The following PIK3C2G variants were observed in gnomAD, a reference collection of about 807,000 sequenced individuals.
PIK3C2G encodes phosphatidylinositol 3-kinase C2 domain-containing subunit gamma.
Under a neutral mutation model 181.1 loss-of-function variants are expected in PIK3C2G, and 168 were observed. The observed-to-expected ratio is 0.93, with a 90% CI of 0.82 to 1.05. PIK3C2G has a LOEUF of 1.05. Ranked by LOEUF, PIK3C2G falls within the 50% of genes least tolerant of loss-of-function variation. The pLI, the probability that PIK3C2G is intolerant of heterozygous loss-of-function variation, is 0.00. For synonymous variants in PIK3C2G, 573 were observed against 592.2 expected (o/e 0.97, Z 0.47); for missense variants, 1,869 against 1,732.8 (o/e 1.08, Z -1.40).
chr12:18,538,891 C>T (rs1043282278), intron 25 of PIK3C2G, among the ~76,000 whole-genome samples: 4 of 151,826 alleles, frequency 2.6e-5, no homozygotes, highest in African/African-American at 9.7e-5. Flanking sequence ...AGGTTTTATT[C>T]CACTGTTCAC....
At chr12:18,655,537 C>T in the PIK3C2G span, among the ~76,000 whole-genome samples, 13 of 152,090 alleles carry the variant, frequency 8.5e-5, no homozygotes, top group African/African-American at 2.7e-4. Flanking sequence ...TGCATAGTGA[C>T]GTCATCCTGA....
chr12:18,430,670 A>C (rs1388119235), intron 18 of PIK3C2G, among the ~76,000 whole-genome samples: 1 of 152,192 alleles, frequency 6.6e-6, no homozygotes, highest in Non-Finnish European at 1.5e-5. Flanking sequence ...TGGCTAAAGC[A>C]ATTCCAGGAG....
intron 11 of PIK3C2G, among the ~76,000 whole-genome samples, chr12:18,356,383 C>T (rs916152517): frequency 1.4e-4 from 21 of 152,056 alleles, no homozygotes; most frequent in Admixed American, 1.2e-3. Flanking sequence ...ACTGGGTGTA[C>T]GGGCCAGGAC....
chr12:18,713,209 G>A, the PIK3C2G span, among the ~76,000 whole-genome samples: 25 of 151,986 alleles, frequency 1.6e-4, no homozygotes, highest in African/African-American at 4.1e-4. Context: ...TGTCTTTCTC[G>A]CTAGTCAAAT....
At chr12:18,641,474 GT>G (rs1420665081) in intron 32 of PIK3C2G, among the ~76,000 whole-genome samples, 1 of 152,088 alleles carries the variant, frequency 6.6e-6, no homozygotes, top group East Asian at 1.9e-4. Flanking sequence ...TGCTTTTTGA[GT>G]TGTACCTTTT....
chr12:18,569,588 A>G (rs1945820698), intron 29 of PIK3C2G, among the ~76,000 whole-genome samples: 1 of 152,184 alleles, frequency 6.6e-6, no homozygotes, highest in Non-Finnish European at 1.5e-5. Context: ...ACTGTTATGA[A>G]CATTCTTTCA....
At chr12:18,373,155 T>A (rs936814823) in intron 13 of PIK3C2G, among the ~76,000 whole-genome samples, 3 of 152,246 alleles carry the variant, frequency 2.0e-5, no homozygotes, top group African/African-American at 7.2e-5. Context: ...GACTCCACTT[T>A]GTTCGTTGCT....
At chr12:18,338,398 T>C in intron 8 of PIK3C2G, 28 bp from the exon 9 acceptor site, 1 of 1,484,746 alleles carries the variant, frequency 6.7e-7, no homozygotes, top group Non-Finnish European at 9.2e-7. Context: ...TTCAATAGAT[T>C]GTAAGATGTG....
chr12:18,707,556 G>C, the PIK3C2G span, among the ~76,000 whole-genome samples: 5,497 of 152,204 alleles, frequency 0.036, 132 homozygotes, highest in East Asian at 0.083. Flanking sequence ...ACCAAAGGCT[G>C]TTTTAAGGCT....
chr12:18,575,089 A>C (rs1946163423), intron 29 of PIK3C2G, among the ~76,000 whole-genome samples: 2 of 152,300 alleles, frequency 1.3e-5, no homozygotes, highest in East Asian at 3.9e-4. Flanking sequence ...CCTAGGTCAT[A>C]GGGGTCCTAA....
At chr12:18,298,451 A>G (rs1950038467) in intron 5 of PIK3C2G, among the ~76,000 whole-genome samples, 3 of 147,204 alleles carry the variant, frequency 2.0e-5, no homozygotes. Flanking sequence ...ATTCTGCATA[A>G]TAGTCCTTGT....
intron 11 of PIK3C2G, among the ~76,000 whole-genome samples, chr12:18,350,450 T>C (rs2137693894): frequency 6.6e-6 from 1 of 152,316 alleles, no homozygotes; most frequent in African/African-American, 2.4e-5. Flanking sequence ...TTGACAGTAC[T>C]TTCAATTATG....
At chr12:18,683,750 G>A in the PIK3C2G span, 1 of 656,252 alleles carries the variant, frequency 1.5e-6, no homozygotes. Flanking sequence ...GGAAAGGATA[G>A]TCTCAGGCTC....
At position 18,338,595 on chromosome 12, in the gene PIK3C2G, T is replaced by C. The variant is rs745430174; in HGVS notation, c.1395+47T>C. 3.7e-6 allele frequency: 5 copies of C among 1,351,264 alleles called. No homozygotes were observed. In the Admixed American group the frequency reaches 5.9e-5, roughly 16 times the overall value. 83.7% of individuals were successfully genotyped at this position (1,351,264 alleles called of 1,614,324 possible). A position where few individuals can be genotyped will look rare whatever the true frequency, so the allele number is the denominator to read the frequency against. ...ACAGTAGTTTTAAACCTGAGTTCAA[T>C]ACTTAATTAAGGAGAGTGAAAGACT... is the stretch of plus-strand genomic sequence containing the variant. On this transcript the variant is annotated intron_variant, in intron 9 of 32. Coordinates refer to ENST00000538779, the MANE Select transcript of PIK3C2G (RefSeq NM_001288772.2).
At chr12:18,487,355 T>C (rs1250820796) in intron 18 of PIK3C2G, among the ~76,000 whole-genome samples, 7 of 152,118 alleles carry the variant, frequency 4.6e-5, no homozygotes. Context: ...AGAGTATCTC[T>C]AACATAATAC....
chr12:18,712,264 T>C, the PIK3C2G span, among the ~76,000 whole-genome samples: 2 of 152,136 alleles, frequency 1.3e-5, no homozygotes, highest in African/African-American at 4.8e-5. Context: ...TAGAACTCCT[T>C]AACATTGAGG....
At chr12:18,675,294 G>C in the PIK3C2G span, among the ~76,000 whole-genome samples, 1 of 152,236 alleles carries the variant, frequency 6.6e-6, no homozygotes, top group Middle Eastern at 3.4e-3. Flanking sequence ...CAAATCGATG[G>C]CTGTTTCAAG....
chr12:18,510,425 A>T (rs958334929), intron 24 of PIK3C2G, among the ~76,000 whole-genome samples: 3 of 152,222 alleles, frequency 2.0e-5, no homozygotes, highest in African/African-American at 7.2e-5. Flanking sequence ...CAAAATTTCA[A>T]CTCAATAATT....
intron 25 of PIK3C2G, among the ~76,000 whole-genome samples, chr12:18,539,154 C>A (rs1164842821): frequency 6.6e-6 from 1 of 151,898 alleles, no homozygotes; most frequent in Non-Finnish European, 1.5e-5. Context: ...GGCAGGCAGA[C>A]CTTTCTGGGT....
Sources: allele counts gnomAD v4.1 joint callset (sites outside exome capture counted in the v4.1 genomes callset), GRCh38; gene constraint gnomAD v4.1.1; transcripts MANE v1.5; gene names NCBI Gene and HGNC (gene_info 2026-07-23, HGNC 2026-07-21).